Variants in DCAF6 observed in about 807,000 individuals in gnomAD.
DCAF6 encodes DDB1 and CUL4 associated factor 6.
A neutral mutation model predicts 125.1 loss-of-function variants in DCAF6; 54 were observed. The ratio of observed to expected loss-of-function variants is 0.43; its 90% CI spans 0.35 to 0.54. The LOEUF is 0.54. Ranked by LOEUF, DCAF6 falls within the 20% of genes least tolerant of loss-of-function variation. The probability of loss-of-function intolerance (pLI) is 0.01; values close to 1 mark genes in which losing one functional copy is unlikely to be tolerated. For synonymous variants in DCAF6, 371 were observed against 390.4 expected (o/e 0.95, Z 0.58); for missense variants, 934 against 1,161.7 (o/e 0.80, Z 2.85).
At chr1:167,944,155 T>G (rs1672703369) in intron 1 of DCAF6, among the ~76,000 whole-genome samples, 1 of 152,236 alleles carries the variant, frequency 6.6e-6, no homozygotes. Context: ...TTTCATTCTT[T>G]GTTATGGCTG....
the DCAF6 span, chr1:167,894,011 C>CTCCCA: frequency 9.7e-7 from 1 of 1,032,732 alleles, no homozygotes; most frequent in Non-Finnish European, 1.5e-6. Context: ...TGAGAGGAGG[C>CTCCCA]TCCCAGTCCC....
At chr1:167,946,706 T>C (rs1673145043) in intron 1 of DCAF6, among the ~76,000 whole-genome samples, 1 of 152,224 alleles carries the variant, frequency 6.6e-6, no homozygotes, top group South Asian at 2.1e-4. Context: ...ATCCTTGCAT[T>C]CCTGGTATAA....
chr1:167,912,128 A>C, the DCAF6 span, among the ~76,000 whole-genome samples: 1 of 152,262 alleles, frequency 6.6e-6, no homozygotes, highest in Non-Finnish European at 1.5e-5. Flanking sequence ...ACAGGCACAT[A>C]CCACATTGTA....
chr1:167,918,494 C>T, the DCAF6 span: 6 of 502,620 alleles, frequency 1.2e-5, no homozygotes, highest in Non-Finnish European at 1.0e-5. Flanking sequence ...AGAATCTTCC[C>T]GGAGGGCTTA....
At chr1:168,035,740 A>G (rs1687721145) in intron 12 of DCAF6, among the ~76,000 whole-genome samples, 1 of 152,208 alleles carries the variant, frequency 6.6e-6, no homozygotes, top group Non-Finnish European at 1.5e-5. Flanking sequence ...GTTTTGTAAT[A>G]TGTAGATTAT....
chr1:167,937,327 C>A, intron 1 of DCAF6: 1 of 354,340 alleles, frequency 2.8e-6, no homozygotes. Context: ...CAGGAGCTGC[C>A]GCGTTTAGAG....
intron 11 of DCAF6, among the ~76,000 whole-genome samples, chr1:168,022,531 C>T (rs941402859): frequency 6.6e-6 from 1 of 152,108 alleles, no homozygotes; most frequent in Non-Finnish European, 1.5e-5. Flanking sequence ...GATGTTAGCT[C>T]CTTGTTCAGC....
chr1:168,040,911 G>A (rs1688449307), intron 13 of DCAF6, among the ~76,000 whole-genome samples: 5 of 146,604 alleles, frequency 3.4e-5, no homozygotes, highest in Admixed American at 2.0e-4. Context: ...AAACCAAACA[G>A]GCAGAACTTA....
chr1:168,035,561 A>C (rs1687697375), intron 12 of DCAF6, among the ~76,000 whole-genome samples: 1 of 152,080 alleles, frequency 6.6e-6, no homozygotes, highest in South Asian at 2.1e-4. Flanking sequence ...AAATAACTAC[A>C]CTCAGGGACC....
intron 7 of DCAF6, among the ~76,000 whole-genome samples, chr1:167,999,725 T>TA (rs1682310794): frequency 6.6e-6 from 1 of 152,168 alleles, no homozygotes; most frequent in Non-Finnish European, 1.5e-5. Flanking sequence ...TTTCATAGCT[T>TA]TAAAGAGATT....
At chr1:168,027,476 ATC>A (rs367760226) in intron 12 of DCAF6, among the ~76,000 whole-genome samples, 52 of 152,260 alleles carry the variant, frequency 3.4e-4, no homozygotes, top group African/African-American at 1.2e-3. Context: ...ATTTGAATAT[ATC>A]TCTGACTAAT....
In DCAF6 at chr1:167,974,887, C is replaced by T. The variant is rs767000590; in HGVS notation, c.310C>T (p.Pro104Ser). ...AAACATATTTAGTGCAAAGTTCTTA[C>T]CTTGTACAAATGATAAACAGATTGT... ...RANIFSAKFL[P>S]CTNDKQIVSC... The change falls in exon 4 of 22, where the codon CCT (proline) becomes TCT (serine). Residue 104 changes from proline to serine, a missense_variant. Coordinates refer to ENST00000367840, the MANE Select transcript of DCAF6 (RefSeq NM_001198956.2). 6 of 1,604,314 alleles carry T rather than the reference C, an allele frequency of 3.7e-6. No individual in the cohort carries two copies. The East Asian group carries it at 1.3e-4, about 36-fold the overall frequency.
chr1:168,038,252 C>A, intron 12 of DCAF6, 119 bp from the exon 13 acceptor site: 1 of 712,072 alleles, frequency 1.4e-6, no homozygotes. Context: ...AAACCCATAA[C>A]AGATGTGAAA....
chr1:168,068,926 C>G (rs999625721), intron 21 of DCAF6, among the ~76,000 whole-genome samples: 1 of 151,968 alleles, frequency 6.6e-6, no homozygotes, highest in African/African-American at 2.4e-5. Flanking sequence ...AACTAATGTT[C>G]AAGAAGGAAT....
At chr1:168,015,327 G>C (rs1163641844) in intron 10 of DCAF6, among the ~76,000 whole-genome samples, 1 of 152,020 alleles carries the variant, frequency 6.6e-6, no homozygotes, top group African/African-American at 2.4e-5. Context: ...AATAAATTCT[G>C]AGTTGTTTCT....
rs552208317 is a variant in DCAF6 at position 167,967,714 on chromosome 1, C to CTTTTTTTTTTTTT, written c.252+1007_252+1019dup. Among the ~76,000 whole-genome samples, 141 of 74,568 alleles carry CTTTTTTTTTTTTT rather than the reference C, an allele frequency of 1.9e-3. 7 individuals carry two copies. Among genetic ancestry groups the CTTTTTTTTTTTTT allele is most frequent in the African/African-American group, 7.0e-3 (133 of 18,972 alleles). 48.9% of individuals were successfully genotyped at this position (74,568 alleles called of 152,430 possible). On this transcript the variant is annotated intron_variant, in intron 3 of 21. Coordinates refer to ENST00000367840, the MANE Select transcript of DCAF6 (RefSeq NM_001198956.2). ...CCTGATTGTCTTAAATTTCCTGTAT[C>CTTTTTTTTTTTTT]TTTTTTTTTTTTTTTTTTTTTTTTT... is the stretch of plus-strand genomic sequence containing the variant.
chr1:168,003,714 G>A (rs150784529), intron 8 of DCAF6, among the ~76,000 whole-genome samples, 156 bp from the exon 9 acceptor site: 2 of 152,202 alleles, frequency 1.3e-5, no homozygotes, highest in African/African-American at 2.4e-5. Flanking sequence ...TGTGATGAGA[G>A]CTCTAATAGA....
intron 10 of DCAF6, among the ~76,000 whole-genome samples, chr1:168,014,513 T>A (rs1301775406): frequency 1.3e-5 from 2 of 152,200 alleles, no homozygotes; most frequent in Non-Finnish European, 2.9e-5. Flanking sequence ...GACATCCAAA[T>A]TTATATCTCT....
At chr1:168,052,025 C>T (rs975251909) in intron 17 of DCAF6, among the ~76,000 whole-genome samples, 13 of 152,058 alleles carry the variant, frequency 8.5e-5, no homozygotes, top group Non-Finnish European at 1.3e-4. Flanking sequence ...GGATTACAGG[C>T]GCCCACCCAC....
Sources: allele counts gnomAD v4.1 joint callset (sites outside exome capture counted in the v4.1 genomes callset), GRCh38; gene constraint gnomAD v4.1.1; transcripts MANE v1.5; gene names NCBI Gene and HGNC (gene_info 2026-07-23, HGNC 2026-07-21).